The following GPR155 variants were observed in gnomAD, a reference collection of about 807,000 sequenced individuals.
GPR155 encodes the protein lysosomal cholesterol signaling protein.
A neutral mutation model predicts 93.1 loss-of-function variants in GPR155; 65 were observed. That is an observed-to-expected ratio of 0.70 (90% confidence interval 0.57 to 0.86). GPR155 has a LOEUF of 0.86. GPR155 is among the 40% of genes least tolerant of loss of function. The probability of loss-of-function intolerance (pLI) is 0.00; values close to 1 mark genes in which losing one functional copy is unlikely to be tolerated. For missense variants in GPR155, 838 were observed against 1,034.8 expected (o/e 0.81, Z 2.61); for synonymous variants, 319 against 360.1 (o/e 0.89, Z 1.29).
At position 174,481,924 on chromosome 2, in the gene GPR155, G is replaced by T. The variant is rs548641528; in HGVS notation, c.33C>A (p.Thr11=). 47 of 1,613,028 alleles carry T rather than the reference G, an allele frequency of 2.9e-5. No homozygotes were observed. The African/African-American group carries it at 3.6e-4, about 12-fold the overall frequency. Reference sequence around the variant, plus strand: ...AAGTCTTGGTCATATTGACTGCAATGGTTAAGTTCTCTGCAGGTAAATTAG... The same window carrying T: ...AAGTCTTGGTCATATTGACTGCAATTGTTAAGTTCTCTGCAGGTAAATTAG... The part of the protein sequence containing the change: MNSNLPAENL[T]IAVNMTKTLP... Residue 11 remains threonine (T), a synonymous_variant, in exon 2 of 16, where the codon ACC becomes ACA. Coordinates refer to ENST00000392552, the MANE Select transcript of GPR155 (RefSeq NM_152529.7).
chr2:174,437,614 C>T (rs1686826489), intron 15 of GPR155, among the ~76,000 whole-genome samples: 1 of 128,794 alleles, frequency 7.8e-6, no homozygotes, highest in Admixed American at 8.5e-5. Flanking sequence ...CAAAGTTTCA[C>T]TCTTGTTGCC....
rs1035237021 is a variant in GPR155 at position 174,460,324 on chromosome 2, G to A, written c.1561-236C>T. Among the ~76,000 whole-genome samples the A allele has an allele frequency of 6.7e-4, 102 of 151,702 alleles. 1 individual carries two copies. Among genetic ancestry groups the A allele is most frequent in the Non-Finnish European group, 1.1e-3 (76 of 67,904 alleles). ...TACAGGCGCCCGCCACCACAACCCA[G>A]CTAATTTTTTGTATTTTTTAGTAGA... On this transcript the variant is annotated intron_variant, in intron 9 of 15. Transcript: ENST00000392552.
chr2:174,481,461 A>T (rs1688316470), intron 2 of GPR155, 36 bp downstream of exon 2: 1 of 1,294,142 alleles, frequency 7.7e-7, no homozygotes, highest in Non-Finnish European at 1.1e-6. Context: ...TTAAAATTGA[A>T]TTTTTTAAAC....
At chr2:174,474,872 A>G (rs1688099876) in intron 2 of GPR155, among the ~76,000 whole-genome samples, 1 of 152,100 alleles carries the variant, frequency 6.6e-6, no homozygotes, top group Non-Finnish European at 1.5e-5. Context: ...ATTTTTGACA[A>G]TGGGTCCCGA....
intron 14 of GPR155, among the ~76,000 whole-genome samples, chr2:174,440,501 A>G (rs1284879066): frequency 6.6e-6 from 1 of 152,210 alleles, no homozygotes; most frequent in Non-Finnish European, 1.5e-5. Context: ...CCTACACATT[A>G]GAATCGTTGA....
chr2:174,481,529 T>C lies in GPR155; in HGVS notation c.428A>G (p.Gln143Arg). ...KAGLFPIFAT[Q>R]SNDFALGYPI... ...GTATCCCAATGCAAAGTCATTACTTTGTGTAGCAAAAATAGGGAATAGTCC... is the reference window on the plus strand; with the variant it reads ...GTATCCCAATGCAAAGTCATTACTTCGTGTAGCAAAAATAGGGAATAGTCC... The change falls in exon 2 of 16, where the codon CAA becomes CGA. Residue 143 changes from glutamine (Q) to arginine (R), a missense_variant. This residue lies in a region of GPR155 where 663 missense variants were observed against 790.1 expected (regional missense o/e 0.84). Coordinates refer to ENST00000392552, the MANE Select transcript of GPR155 (RefSeq NM_152529.7). 6.2e-7 allele frequency: 1 copy of C among 1,610,378 alleles called. No homozygotes were observed. Among genetic ancestry groups the C allele is most frequent in the South Asian group, 1.1e-5 (1 of 90,740 alleles).
intron 9 of GPR155, among the ~76,000 whole-genome samples, chr2:174,461,028 TAGATACGTTTTGTCC>T (rs1687676765): frequency 6.9e-6 from 1 of 145,746 alleles, no homozygotes; most frequent in East Asian, 1.9e-4. Flanking sequence ...ATATTTTTCC[TAGATACGTTTTGTCC>T]TGAAATTTAT....
At position 174,436,348 on chromosome 2, in the gene GPR155, C is replaced by T. The variant is rs760009865; in HGVS notation, c.2381G>A (p.Gly794Asp). Reference sequence around the variant, plus strand: ...AGCTTCACCACGGTCGGAGGCAAGGCCGACTTCAATTAGCCAGCTCACCAG... The same window carrying T: ...AGCTTCACCACGGTCGGAGGCAAGGTCGACTTCAATTAGCCAGCTCACCAG... ...CDLVSWLIEV[G>D]LASDRGEAVI... is the part of the protein sequence containing the mutation. The change falls in exon 16 of 16, where the codon GGC becomes GAC. Residue 794 changes from glycine to aspartate, a missense_variant. Physicochemically the swap from Gly to Asp is moderately conservative, Grantham distance 94 (BLOSUM62 -1). Transcript: ENST00000392552. The T allele has an allele frequency of 2.5e-6, 4 of 1,614,172 alleles. No homozygotes were observed. The highest frequency in any genetic ancestry group is 3.3e-5 in the Admixed American group (2 of 60,020).
chr2:174,468,722 G>T (rs1687908190), intron 5 of GPR155, among the ~76,000 whole-genome samples, 190 bp downstream of exon 5: 1 of 152,206 alleles, frequency 6.6e-6, no homozygotes, highest in Admixed American at 6.5e-5. Flanking sequence ...TGTCTTGTCT[G>T]CTATAGAACT....
chr2:174,463,387 G>C (rs997945008), intron 7 of GPR155, among the ~76,000 whole-genome samples: 1 of 151,970 alleles, frequency 6.6e-6, no homozygotes, highest in Non-Finnish European at 1.5e-5. Flanking sequence ...TTTTTATAGA[G>C]AGAGGGTCTT....
At chr2:174,461,741 C>CT in intron 7 of GPR155, 69 bp from the exon 8 acceptor site, 1 of 943,876 alleles carries the variant, frequency 1.1e-6, no homozygotes, top group South Asian at 1.4e-5. Flanking sequence ...ACTTTATTTC[C>CT]TTTTTATTTT....
chr2:174,469,115 T>A (rs1237687297), intron 4 of GPR155, 48 bp from the exon 5 acceptor site: 1 of 1,539,270 alleles, frequency 6.5e-7, no homozygotes, highest in South Asian at 1.1e-5. Flanking sequence ...AATTAAACAG[T>A]ATTTTAAACT....
At chr2:174,481,305 G>A (rs752609675) in intron 2 of GPR155, among the ~76,000 whole-genome samples, 192 bp downstream of exon 2, 25 of 152,178 alleles carry the variant, frequency 1.6e-4, no homozygotes, top group South Asian at 4.1e-4. Context: ...GAATATGACC[G>A]TTTATTTTAG....
At chr2:174,454,016 A>G (rs1687412532) in intron 10 of GPR155, among the ~76,000 whole-genome samples, 175 bp from the exon 11 acceptor site, 1 of 152,256 alleles carries the variant, frequency 6.6e-6, no homozygotes. Flanking sequence ...CTCATATACA[A>G]AATAAAAAAA....
Position 174,442,185 on chromosome 2 carries a change from T to G in GPR155, c.2110-2A>C, listed in dbSNP as rs1226542634. ...AAAGATTCCAAAGGAAATAAATCCC[T>G]AGGGAAGAAAACAAAGTTATTTTTT... On this transcript the variant is annotated splice_acceptor_variant, in intron 13 of 15. Transcript: ENST00000392552. LOFTEE classifies it high-confidence loss of function. 1.5e-6 allele frequency: 2 copies of G among 1,328,138 alleles called. No homozygotes were observed. Among genetic ancestry groups the G allele is most frequent in the Non-Finnish European group, 2.2e-6 (2 of 922,212 alleles). The allele number at this position is 1,328,138 out of a possible 1,614,324, so 82.3% of individuals were successfully genotyped here. A position where few individuals can be genotyped will look rare whatever the true frequency, so the allele number is the denominator to read the frequency against.
intron 14 of GPR155, 142 bp downstream of exon 14, chr2:174,441,977 A>G (rs1686979947): frequency 1.7e-6 from 1 of 603,076 alleles, no homozygotes; most frequent in African/African-American, 1.9e-5. Context: ...TGAACTCCTG[A>G]GTTCAAGCAA....
intron 9 of GPR155, among the ~76,000 whole-genome samples, chr2:174,460,539 T>C (rs765708584): frequency 4.6e-5 from 7 of 152,134 alleles, no homozygotes; most frequent in Non-Finnish European, 1.0e-4. Context: ...TTTAAAAAGG[T>C]AAGTGTATAT....
chr2:174,435,716 C>T lies in GPR155; in HGVS notation c.*400G>A, dbSNP rs937140516. On this transcript the variant is annotated 3_prime_UTR_variant, in exon 16 of 16. Transcript: ENST00000392552. ...CTTGAACTCCTGACCTCAGGTGATC[C>T]ACCTGACTCGGCCTCCCAAAGTACT... The T allele has an allele frequency of 6.3e-6, 1 of 157,934 alleles. No individual in the cohort carries two copies. 9.8% of individuals were successfully genotyped at this position (157,934 alleles called of 1,614,324 possible).
chr2:174,465,968 C>A (rs564110864), intron 6 of GPR155, 66 bp from the exon 7 acceptor site: 9 of 683,912 alleles, frequency 1.3e-5, no homozygotes, highest in South Asian at 2.1e-5. Flanking sequence ...AATACTGCAA[C>A]AGAAAATTCC....
Sources: allele counts gnomAD v4.1 joint callset (sites outside exome capture counted in the v4.1 genomes callset), GRCh38; gene constraint gnomAD v4.1.1; regional missense constraint gnomAD v4.1.1; transcripts MANE v1.5; gene names NCBI Gene and HGNC (gene_info 2026-07-23, HGNC 2026-07-21).